The following SPTLC3 variants were observed in gnomAD, a reference collection of about 807,000 sequenced individuals.
SPTLC3 encodes the protein serine palmitoyltransferase long chain base subunit 3.
Under a neutral mutation model 59.3 loss-of-function variants are expected in SPTLC3, and 36 were observed. That is an observed-to-expected ratio of 0.61 (90% CI 0.47 to 0.80). The LOEUF is 0.80. Ranked by LOEUF, SPTLC3 falls within the 30% of genes least tolerant of loss-of-function variation. SPTLC3 has a pLI of 0.00. For synonymous variants in SPTLC3, 257 were observed against 240.8 expected, an observed-to-expected ratio of 1.07 and a Z score of -0.62; for missense variants, 625 against 685.1, an observed-to-expected ratio of 0.91 and a Z score of 0.98.
chr20:13,118,373 C>G (rs1990690859), intron 8 of SPTLC3, among the ~76,000 whole-genome samples: 1 of 141,006 alleles, frequency 7.1e-6, no homozygotes, highest in Non-Finnish European at 1.5e-5. Context: ...CTTAAAAATT[C>G]TGATCTGCTG....
At chr20:13,059,140 T>TTG in intron 2 of SPTLC3, among the ~76,000 whole-genome samples, 1 of 152,178 alleles carries the variant, frequency 6.6e-6, no homozygotes, top group Admixed American at 6.5e-5. Context: ...AACATAGTTG[T>TTG]TTACATATCT....
intron 8 of SPTLC3, among the ~76,000 whole-genome samples, chr20:13,118,950 G>T (rs368540820): frequency 2.0e-5 from 3 of 152,258 alleles, no homozygotes; most frequent in East Asian, 1.9e-4. Flanking sequence ...GCTTTCTTTC[G>T]GGCTCAAAGC....
chr20:13,149,720 C>T (rs1463103161), intron 9 of SPTLC3, among the ~76,000 whole-genome samples: 2 of 152,170 alleles, frequency 1.3e-5, no homozygotes, highest in Admixed American at 1.3e-4. Context: ...CCCTGGATAT[C>T]ATCTGTTTGG....
chr20:13,060,814 TTG>T (rs58161980), intron 2 of SPTLC3, among the ~76,000 whole-genome samples: 16 of 150,656 alleles, frequency 1.1e-4, no homozygotes, highest in South Asian at 4.2e-4. Context: ...TGGTATTCCA[TTG>T]TGTGTGTGTG....
At position 13,157,572 on chromosome 20, in the gene SPTLC3, G is replaced by GA. The variant is rs545145414; in HGVS notation, c.1416-2424dup. 1.4e-3 allele frequency among the ~76,000 whole-genome samples: 212 copies of GA among 151,178 alleles called. 1 individual carries two copies. Among genetic ancestry groups the GA allele is most frequent in the Non-Finnish European group, 1.7e-3 (116 of 67,824 alleles). On this transcript the variant is annotated intron_variant, in intron 10 of 11. Transcript: ENST00000399002. ...CAACCTCTCAAGCTTTAGTCCATAG[G>GA]AAAAAAATGCACATCTCATTAAAGC...
intron 8 of SPTLC3, 52 bp from the exon 9 acceptor site, chr20:13,126,539 C>T (rs2037994947): frequency 1.9e-6 from 3 of 1,602,092 alleles, no homozygotes; most frequent in East Asian, 2.2e-5. Context: ...ATTCCCACCA[C>T]CAGTGTTGAG....
intron 9 of SPTLC3, among the ~76,000 whole-genome samples, chr20:13,134,062 G>A (rs994691294): frequency 2.0e-5 from 3 of 152,126 alleles, no homozygotes; most frequent in Admixed American, 2.0e-4. Flanking sequence ...GCCATACAGG[G>A]TCATTCTCAG....
At chr20:13,109,973 C>A in intron 6 of SPTLC3, 139 bp from the exon 7 acceptor site, 1 of 644,544 alleles carries the variant, frequency 1.6e-6, no homozygotes, top group Non-Finnish European at 2.6e-6. Flanking sequence ...TCTCTCTCTC[C>A]CTAAGGGTTC....
At chr20:13,126,475 T>A in intron 8 of SPTLC3, 116 bp from the exon 9 acceptor site, 1 of 1,238,232 alleles carries the variant, frequency 8.1e-7, no homozygotes, top group South Asian at 1.7e-5. Context: ...ATTCATCTTT[T>A]GAGCATGAGA....
At chr20:13,018,422 T>C (rs1280481606) in intron 1 of SPTLC3, among the ~76,000 whole-genome samples, 1 of 152,184 alleles carries the variant, frequency 6.6e-6, no homozygotes, top group African/African-American at 2.4e-5. Flanking sequence ...GACTGTATGC[T>C]TAAGCCCTTA....
chr20:13,037,820 A>G (rs182844790), intron 1 of SPTLC3, among the ~76,000 whole-genome samples: 8 of 152,298 alleles, frequency 5.3e-5, no homozygotes, highest in South Asian at 2.1e-4. Context: ...TGTAAAGTTC[A>G]TTGAAGATCA....
chr20:13,090,535 TG>T (rs1481317729), intron 4 of SPTLC3, among the ~76,000 whole-genome samples: 2 of 152,228 alleles, frequency 1.3e-5, no homozygotes, highest in Non-Finnish European at 2.9e-5. Flanking sequence ...GGGGTTTTTT[TG>T]TAAATTATAT....
At chr20:13,156,075 C>A (rs1389856597) in intron 10 of SPTLC3, among the ~76,000 whole-genome samples, 2 of 152,180 alleles carry the variant, frequency 1.3e-5, no homozygotes, top group Non-Finnish European at 2.9e-5. Flanking sequence ...CACACACACA[C>A]ACACAGACAC....
At chr20:13,035,248 T>A (rs917880429) in intron 1 of SPTLC3, among the ~76,000 whole-genome samples, 1 of 152,162 alleles carries the variant, frequency 6.6e-6, no homozygotes, top group Admixed American at 6.6e-5. Flanking sequence ...AAGAAAATAA[T>A]GACAATAACA....
chr20:13,053,492 A>G (rs962667099), intron 2 of SPTLC3, among the ~76,000 whole-genome samples: 23 of 152,134 alleles, frequency 1.5e-4, no homozygotes, highest in Non-Finnish European at 2.5e-4. Flanking sequence ...CCTCCAAAGG[A>G]TCACAACTCC....
At chr20:13,066,450 G>C (rs1254766982) in intron 2 of SPTLC3, among the ~76,000 whole-genome samples, 1 of 152,116 alleles carries the variant, frequency 6.6e-6, no homozygotes, top group Non-Finnish European at 1.5e-5. Flanking sequence ...GTACCATGCT[G>C]TTTTGATTAC....
chr20:13,156,388 C>A (rs2038768943), intron 10 of SPTLC3, among the ~76,000 whole-genome samples: 1 of 152,148 alleles, frequency 6.6e-6, no homozygotes, highest in Non-Finnish European at 1.5e-5. Context: ...AGAATTCACA[C>A]AATATGCTAT....
chr20:13,157,939 A>C (rs1329211826), intron 10 of SPTLC3, among the ~76,000 whole-genome samples: 1 of 152,242 alleles, frequency 6.6e-6, no homozygotes, highest in Non-Finnish European at 1.5e-5. Context: ...ATTTCCTACT[A>C]TGCAGAATGA....
chr20:13,038,060 A>ATATATATATATATATATATATAT, intron 1 of SPTLC3, among the ~76,000 whole-genome samples: 26 of 148,628 alleles, frequency 1.7e-4, no homozygotes, highest in South Asian at 4.2e-4. Context: ...ATATATATAT[A>ATATATATATATATATATATATAT]ATATATCTTC....
Sources: gnomAD v4.1 joint callset for allele counts (sites outside exome capture counted in the v4.1 genomes callset) on GRCh38, gnomAD v4.1.1 for gene constraint, MANE v1.5 for transcripts, NCBI Gene and HGNC (gene_info 2026-07-23, HGNC 2026-07-21) for gene names.